Variants in KAZN observed in about 807,000 individuals in gnomAD.
The protein encoded by KAZN is kazrin.
Under a neutral mutation model 87.4 loss-of-function variants are expected in KAZN, and 40 were observed. The observed-to-expected ratio is 0.46, with a 90% CI of 0.36 to 0.60. The LOEUF (loss-of-function observed/expected upper bound fraction) is 0.60. Among genes scored for constraint, KAZN ranks in the 20% least tolerant of loss-of-function variants. KAZN has a pLI of 0.00. For synonymous variants in KAZN, 466 were observed against 458.3 expected, an observed-to-expected ratio of 1.02 and a Z score of -0.22; for missense variants, 898 against 1,073.9, an observed-to-expected ratio of 0.84 and a Z score of 2.29.
intron 10 of KAZN, among the ~76,000 whole-genome samples, chr1:15,095,211 GC>G (rs796876065): frequency 6.6e-6 from 1 of 152,304 alleles, no homozygotes; most frequent in Admixed American, 6.5e-5. Flanking sequence ...AACCTCACGA[GC>G]CCCCCAGCAC....
chr1:14,924,100 A>T, intron 1 of KAZN: 1 of 976,980 alleles, frequency 1.0e-6, no homozygotes, highest in African/African-American at 1.8e-5. Context: ...CCAGCCCGGA[A>T]GGAGCGGGAG....
intron 2 of KAZN, among the ~76,000 whole-genome samples, chr1:14,395,588 A>C (rs1662827460): frequency 6.6e-6 from 1 of 152,076 alleles, no homozygotes; most frequent in Non-Finnish European, 1.5e-5. Flanking sequence ...GCAGGGGACT[A>C]ATTTACTTAC....
intron 2 of KAZN, among the ~76,000 whole-genome samples, chr1:14,493,274 A>C (rs1669776551): frequency 6.6e-6 from 1 of 152,244 alleles, no homozygotes; most frequent in Non-Finnish European, 1.5e-5. Flanking sequence ...GAAACCAGGC[A>C]CAACACAAAG....
At chr1:14,661,131 G>C (rs995279429) in intron 1 of KAZN, among the ~76,000 whole-genome samples, 2 of 152,212 alleles carry the variant, frequency 1.3e-5, no homozygotes, top group African/African-American at 2.4e-5. Flanking sequence ...GGGAGATGGT[G>C]CTCTTCTCCC....
chr1:13,920,827 C>T (rs542154210), intron 1 of KAZN, among the ~76,000 whole-genome samples: 6 of 152,112 alleles, frequency 3.9e-5, no homozygotes, highest in South Asian at 2.1e-4. Flanking sequence ...TTTATGGTCA[C>T]GCTGACATTG....
Position 15,106,638 on chromosome 1 carries a change from TAA to T in KAZN, c.2048+2450_2048+2451del, listed in dbSNP as rs1359782016. On this transcript the variant is annotated intron_variant, in intron 13 of 14. Coordinates refer to ENST00000376030, the MANE Select transcript of KAZN (RefSeq NM_201628.3). ...ACGAAATCAATGAACCTCTCAATGA[TAA>T]GATAAGAGGGAAATGACTCTGTCCA... Among the ~76,000 whole-genome samples the T allele has an allele frequency of 2.0e-5, 3 of 152,224 alleles. No homozygotes were observed. In the East Asian group the frequency reaches 5.8e-4, roughly 29 times the overall value.
intron 1 of KAZN, among the ~76,000 whole-genome samples, chr1:14,905,226 G>A (rs1031510936): frequency 6.6e-5 from 10 of 152,016 alleles, no homozygotes; most frequent in Non-Finnish European, 7.4e-5. Flanking sequence ...CTTGGCTAAT[G>A]TTTTGTATTT....
intron 2 of KAZN, among the ~76,000 whole-genome samples, chr1:14,999,508 G>GC (rs1266859575): frequency 3.7e-5 from 2 of 54,322 alleles, no homozygotes; most frequent in African/African-American, 1.7e-4. Context: ...CCCTCCCCCC[G>GC]CCCCGCCATC....
chr1:13,900,171 G>A (rs1639196593), intron 1 of KAZN, among the ~76,000 whole-genome samples: 1 of 152,068 alleles, frequency 6.6e-6, no homozygotes, highest in Non-Finnish European at 1.5e-5. Flanking sequence ...GCCTCGACCT[G>A]GATTCCAGGT....
intron 2 of KAZN, among the ~76,000 whole-genome samples, chr1:14,294,032 A>G (rs1449699221): frequency 1.3e-5 from 2 of 152,190 alleles, no homozygotes. Context: ...CCTCTTCACC[A>G]TAAACTGATA....
At chr1:14,311,399 A>AT (rs1394228834) in intron 2 of KAZN, among the ~76,000 whole-genome samples, 5 of 152,228 alleles carry the variant, frequency 3.3e-5, no homozygotes, top group Admixed American at 1.3e-4. Context: ...TAAGTTCCCA[A>AT]TAAGATGCTT....
At chr1:15,010,776 C>G (rs1212549454) in intron 2 of KAZN, among the ~76,000 whole-genome samples, 1 of 152,184 alleles carries the variant, frequency 6.6e-6, no homozygotes, top group Admixed American at 6.5e-5. Context: ...GCAGTGTTCT[C>G]TTCTCTCACT....
chr1:14,141,236 T>TA (rs59679402), intron 1 of KAZN, among the ~76,000 whole-genome samples: 4,180 of 39,192 alleles, frequency 0.11, 86 homozygotes, highest in Non-Finnish European at 0.11. Context: ...GATTACCATT[T>TA]AAAAAAAAAA....
In KAZN at chr1:14,978,670, G is replaced by C. The variant is rs146071086; in HGVS notation, c.418+17795G>C. 6.1e-3 allele frequency among the ~76,000 whole-genome samples: 926 copies of C among 152,260 alleles called. 13 individuals carry two copies. The highest frequency in any genetic ancestry group is 0.021 in the African/African-American group (856 of 41,546). Reference sequence around the variant, plus strand: ...TTCGTGTTGGTCACTACTGGCCACCGAGCGCATCTCAGCCTCTGTGTGCTA... The same window carrying C: ...TTCGTGTTGGTCACTACTGGCCACCCAGCGCATCTCAGCCTCTGTGTGCTA... On this transcript the variant is annotated intron_variant, in intron 2 of 14. Transcript: ENST00000376030.
intron 1 of KAZN, among the ~76,000 whole-genome samples, chr1:14,010,533 A>G (rs1009487514): frequency 3.3e-5 from 5 of 152,200 alleles, no homozygotes; most frequent in African/African-American, 1.2e-4. Context: ...AAGTCTTGCA[A>G]TCCTTTGCAG....
chr1:14,720,798 C>T (rs1295165637), intron 1 of KAZN, among the ~76,000 whole-genome samples: 1 of 152,112 alleles, frequency 6.6e-6, no homozygotes, highest in African/African-American at 2.4e-5. Flanking sequence ...CTCACTGCAA[C>T]GTCTGCCTAC....
At chr1:15,045,381 C>T (rs1169628185) in intron 4 of KAZN, among the ~76,000 whole-genome samples, 1 of 152,160 alleles carries the variant, frequency 6.6e-6, no homozygotes. Flanking sequence ...CTCTGGACTC[C>T]ATATCCATCA....
At chr1:14,890,021 C>T (rs552025302) in intron 1 of KAZN, among the ~76,000 whole-genome samples, 4 of 152,216 alleles carry the variant, frequency 2.6e-5, no homozygotes, top group Non-Finnish European at 5.9e-5. Context: ...TTTATGTCGT[C>T]AACCTGCAGA....
chr1:15,086,377 A>G (rs1281408864), intron 8 of KAZN, among the ~76,000 whole-genome samples: 1 of 152,240 alleles, frequency 6.6e-6, no homozygotes, highest in Non-Finnish European at 1.5e-5. Flanking sequence ...ACATCGTCAA[A>G]GCGCTAAAAC....
Sources: gnomAD v4.1 joint callset for allele counts (sites outside exome capture counted in the v4.1 genomes callset) on GRCh38, gnomAD v4.1.1 for gene constraint, MANE v1.5 for transcripts, NCBI Gene and HGNC (gene_info 2026-07-23, HGNC 2026-07-21) for gene names.